Variants in CSNK2A2IP observed in about 807,000 individuals in gnomAD.
CSNK2A2IP encodes the protein casein kinase II subunit alpha'-interacting protein.
chr3:88,350,496 A>T, the CSNK2A2IP span, among the ~76,000 whole-genome samples: 2 of 152,070 alleles, frequency 1.3e-5, no homozygotes, highest in Admixed American at 6.6e-5. Flanking sequence ...AGAAAAGATG[A>T]GAGGGGCAAA....
the CSNK2A2IP span, among the ~76,000 whole-genome samples, chr3:88,432,225 G>A: frequency 6.6e-6 from 1 of 151,672 alleles, no homozygotes; most frequent in Non-Finnish European, 1.5e-5. Flanking sequence ...TTTCACAATT[G>A]TTTTAATGAA....
chr3:88,447,785 A>T, the CSNK2A2IP span, among the ~76,000 whole-genome samples: 1 of 152,112 alleles, frequency 6.6e-6, no homozygotes, highest in Non-Finnish European at 1.5e-5. Flanking sequence ...CAGAATACTT[A>T]TCATCAGAGT....
chr3:88,381,006 A>G, the CSNK2A2IP span, among the ~76,000 whole-genome samples: 1 of 152,182 alleles, frequency 6.6e-6, no homozygotes, highest in Non-Finnish European at 1.5e-5. Context: ...GTCAAATTGG[A>G]GATTAAATGG....
At chr3:88,449,868 T>TAGAGAGAGAGAG in the CSNK2A2IP span, among the ~76,000 whole-genome samples, 8 of 74,190 alleles carry the variant, frequency 1.1e-4, no homozygotes, top group Non-Finnish European at 1.7e-4. Flanking sequence ...TATATATATA[T>TAGAGAGAGAGAG]ATATATAGAG....
chr3:88,427,778 C>T, the CSNK2A2IP span, among the ~76,000 whole-genome samples: 29 of 152,248 alleles, frequency 1.9e-4, no homozygotes, highest in African/African-American at 6.3e-4. Flanking sequence ...CGGTTTTATA[C>T]CTGTATGTCC....
chr3:88,440,338 C>T, the CSNK2A2IP span, among the ~76,000 whole-genome samples: 1 of 151,894 alleles, frequency 6.6e-6, no homozygotes. Flanking sequence ...AGTAACAATA[C>T]AAATTGAGTA....
the CSNK2A2IP span, among the ~76,000 whole-genome samples, chr3:88,457,695 C>CAAAATAAAATAAAATAAAATAAAAT: frequency 0.02 from 2,202 of 110,250 alleles, 65 homozygotes; most frequent in Non-Finnish European, 0.031. Context: ...GACTCAGTCT[C>CAAAATAAAATAAAATAAAATAAAAT]AAAATAAAAT....
the CSNK2A2IP span, among the ~76,000 whole-genome samples, chr3:88,355,511 G>C: frequency 6.6e-6 from 1 of 152,012 alleles, no homozygotes; most frequent in Admixed American, 6.6e-5. Flanking sequence ...AAATGTCTTT[G>C]GTCACACCTC....
At chr3:88,467,017 G>C in the CSNK2A2IP span, 2 of 1,183,844 alleles carry the variant, frequency 1.7e-6, no homozygotes, top group South Asian at 8.6e-5. Context: ...TGAAGGAGTA[G>C]AGAAGATACA....
the CSNK2A2IP span, among the ~76,000 whole-genome samples, chr3:88,444,064 G>T: frequency 1.3e-5 from 2 of 151,758 alleles, no homozygotes; most frequent in Admixed American, 1.3e-4. Context: ...ATATTGCATG[G>T]CTGTCTTTTA....
chr3:88,361,361 G>A, the CSNK2A2IP span, among the ~76,000 whole-genome samples: 1 of 151,908 alleles, frequency 6.6e-6, no homozygotes, highest in South Asian at 2.1e-4. Context: ...CTTCCTTTTT[G>A]AAAAATAACT....
At chr3:88,403,871 A>T in the CSNK2A2IP span, among the ~76,000 whole-genome samples, 5 of 152,142 alleles carry the variant, frequency 3.3e-5, no homozygotes, top group African/African-American at 1.2e-4. Flanking sequence ...TTGGCAAAGA[A>T]ATCTGGAAAT....
the CSNK2A2IP span, among the ~76,000 whole-genome samples, chr3:88,421,543 T>G: frequency 6.6e-6 from 1 of 152,068 alleles, no homozygotes; most frequent in Admixed American, 6.6e-5. Flanking sequence ...CAGCCTCAAG[T>G]AGTTGTTATT....
chr3:88,446,098 C>CT, the CSNK2A2IP span, among the ~76,000 whole-genome samples: 1 of 74,304 alleles, frequency 1.3e-5, no homozygotes. Context: ...TTCTTTCTTT[C>CT]TTTTTTTCTT....
chr3:88,393,833 G>A, the CSNK2A2IP span, among the ~76,000 whole-genome samples: 2 of 152,202 alleles, frequency 1.3e-5, no homozygotes, highest in Non-Finnish European at 2.9e-5. Flanking sequence ...TGGTCTGGGT[G>A]CCAAGGTTAT....
At chr3:88,359,749 T>G in the CSNK2A2IP span, among the ~76,000 whole-genome samples, 1 of 152,254 alleles carries the variant, frequency 6.6e-6, no homozygotes, top group Non-Finnish European at 1.5e-5. Context: ...ATTTCAATTT[T>G]TATAATTTTT....
At chr3:88,423,500 TC>T in the CSNK2A2IP span, among the ~76,000 whole-genome samples, 10 of 152,104 alleles carry the variant, frequency 6.6e-5, no homozygotes, top group African/African-American at 2.4e-4. Flanking sequence ...GGGAGCTATG[TC>T]TGGGAGAGAG....
chr3:88,414,159 C>T, the CSNK2A2IP span, among the ~76,000 whole-genome samples: 31 of 144,788 alleles, frequency 2.1e-4, no homozygotes, highest in African/African-American at 6.2e-4. Context: ...ACTTTACAAA[C>T]GTTATTTGTA....
chr3:88,358,963 AT>A, the CSNK2A2IP span, among the ~76,000 whole-genome samples: 2,962 of 139,050 alleles, frequency 0.021, 87 homozygotes, highest in African/African-American at 0.067. Context: ...CGGCTCCTGG[AT>A]TTTTTTTTTT....
Sources: allele counts gnomAD v4.1 joint callset (sites outside exome capture counted in the v4.1 genomes callset), GRCh38; gene constraint gnomAD v4.1.1; transcripts MANE v1.5; gene names NCBI Gene and HGNC (gene_info 2026-07-23, HGNC 2026-07-21).